Variants in POLR3B observed in about 807,000 individuals in gnomAD.
POLR3B encodes RNA polymerase III subunit B, also known as DNA-directed RNA polymerase III subunit RPC2.
In POLR3B, 96 loss-of-function variants were observed where a neutral mutation model predicts 147.4. The ratio of observed to expected loss-of-function variants is 0.65; its 90% confidence interval spans 0.55 to 0.77. The LOEUF (loss-of-function observed/expected upper bound fraction) is 0.77. POLR3B is among the 30% of genes least tolerant of loss of function. The pLI, the probability that POLR3B is intolerant of heterozygous loss-of-function variation, is 0.00. For missense variants in POLR3B, 1,036 were observed against 1,413.5 expected, an observed-to-expected ratio of 0.73 and a Z score of 4.28; for synonymous variants, 461 against 485.9, an observed-to-expected ratio of 0.95 and a Z score of 0.67.
rs1411301550 is a variant in POLR3B, at chr12:106,504,329, C to T, written c.3272+75C>T. 8.3e-7 allele frequency: 1 copy of T among 1,200,568 alleles called. No individual in the cohort carries two copies. Among genetic ancestry groups the T allele is most frequent in the African/African-American group, 1.5e-5 (1 of 66,984 alleles). The allele number at this position is 1,200,568 out of a possible 1,614,324, so 74.4% of individuals were successfully genotyped here. On this transcript the variant is annotated intron_variant, in intron 27 of 27. Transcript: ENST00000228347. The surrounding 1 kb of genome is among the most constrained non-coding windows in gnomAD (Gnocchi z 4.6). ...CACAGCTCAAGAATTGACCCTGGATCCTATCCGCATATTCTCCAGCCTCTG... is the reference window on the plus strand; with the variant it reads ...CACAGCTCAAGAATTGACCCTGGATTCTATCCGCATATTCTCCAGCCTCTG...
intron 19 of POLR3B, among the ~76,000 whole-genome samples, chr12:106,445,095 T>A (rs1051370164): frequency 6.6e-6 from 1 of 152,208 alleles, no homozygotes. Context: ...TCACACTGAT[T>A]TCTGAGTTTA....
intron 18 of POLR3B, among the ~76,000 whole-genome samples, chr12:106,439,867 G>A (rs1253688575): frequency 6.6e-6 from 1 of 151,804 alleles, no homozygotes; most frequent in East Asian, 1.9e-4. Context: ...GATCAACCTG[G>A]GCAACACAGT....
chr12:106,492,416 G>A (rs2038418255), intron 23 of POLR3B, among the ~76,000 whole-genome samples: 1 of 152,170 alleles, frequency 6.6e-6, no homozygotes. Context: ...TGGACGTGGT[G>A]GCACGCAGCT....
At chr12:106,478,042 A>G (rs1475735402) in intron 23 of POLR3B, among the ~76,000 whole-genome samples, 1 of 151,482 alleles carries the variant, frequency 6.6e-6, no homozygotes, top group African/African-American at 2.4e-5. Flanking sequence ...ATTAGCTGGG[A>G]CTACAGGTGT....
At position 106,498,080 on chromosome 12, in the gene POLR3B, T is replaced by C. The variant is rs112437357; in HGVS notation, c.2984+1162T>C. Among the ~76,000 whole-genome samples the C allele has an allele frequency of 4.1e-3, 618 of 152,252 alleles. 3 individuals carry two copies. Among genetic ancestry groups the C allele is most frequent in the Non-Finnish European group, 5.9e-3 (404 of 68,022 alleles). ...AGGAATGCAGACAAATAAATACAAG[T>C]ACATATAGCTCTCACCAAAATGAAG... is the stretch of plus-strand genomic sequence containing the variant. On this transcript the variant is annotated intron_variant, in intron 25 of 27. Transcript: ENST00000228347.
In POLR3B at chr12:106,497,674, G is replaced by T. The variant is rs145548555; in HGVS notation, c.2984+756G>T. ...TTGTGCATGTGTTCACTAAAGATGT[G>T]CTAAGCACCTACCTAATATGTGCTA... is the stretch of plus-strand genomic sequence containing the variant. On this transcript the variant is annotated intron_variant, in intron 25 of 27. Transcript: ENST00000228347. Among the ~76,000 whole-genome samples the T allele has an allele frequency of 7.3e-3, 1,108 of 152,290 alleles. 11 individuals carry two copies. The highest frequency in any genetic ancestry group is 0.025 in the African/African-American group (1,042 of 41,564).
chr12:106,509,408 C>T lies in POLR3B; in HGVS notation c.3273-12C>T, dbSNP rs769255240. 3 of 1,613,406 alleles carry T rather than the reference C, an allele frequency of 1.9e-6. No individual in the cohort carries two copies. The African/African-American group carries it at 4.0e-5, about 22-fold the overall frequency. ...TTGCTGTCTGTCTAACGCTTGCTGACTTGCGTTTCAGGTGCCATTACTGCA... is the reference window on the plus strand; with the variant it reads ...TTGCTGTCTGTCTAACGCTTGCTGATTTGCGTTTCAGGTGCCATTACTGCA... On this transcript the variant is annotated splice_polypyrimidine_tract_variant and intron_variant, in intron 27 of 27. Coordinates refer to ENST00000228347, the MANE Select transcript of POLR3B (RefSeq NM_018082.6).
intron 1 of POLR3B, among the ~76,000 whole-genome samples, chr12:106,359,580 C>T (rs956293409): frequency 6.6e-5 from 10 of 152,070 alleles, no homozygotes; most frequent in African/African-American, 1.9e-4. Flanking sequence ...TCCACCGCCT[C>T]GGCCTCCCAA....
At chr12:106,488,503 A>G (rs923828744) in intron 23 of POLR3B, among the ~76,000 whole-genome samples, 1 of 152,204 alleles carries the variant, frequency 6.6e-6, no homozygotes, top group Non-Finnish European at 1.5e-5. Flanking sequence ...CTCATTTCCC[A>G]AGTGGTCTAG....
At chr12:106,419,794 CT>C (rs56756383) in intron 12 of POLR3B, among the ~76,000 whole-genome samples, 2 of 88,956 alleles carry the variant, frequency 2.2e-5, no homozygotes, top group Admixed American at 1.7e-4. Context: ...TTTAGTTTTG[CT>C]TTTTTTTTTT....
intron 20 of POLR3B, among the ~76,000 whole-genome samples, chr12:106,456,194 A>G (rs2037861207): frequency 6.6e-6 from 1 of 152,198 alleles, no homozygotes; most frequent in Non-Finnish European, 1.5e-5. Context: ...TCAGGAAATT[A>G]TAGTGTTGAA....
In POLR3B at chr12:106,458,664, G is replaced by A. The variant is rs540337189; in HGVS notation, c.2453-587G>A. On this transcript the variant is annotated intron_variant, in intron 21 of 27. Coordinates refer to ENST00000228347, the MANE Select transcript of POLR3B (RefSeq NM_018082.6). ...GTGGTTCCAAAGAGACACAGAGTACGCGACTTCTCCTCCCTCCCTCTGCCT... is the reference window on the plus strand; with the variant it reads ...GTGGTTCCAAAGAGACACAGAGTACACGACTTCTCCTCCCTCCCTCTGCCT... 3.2e-4 allele frequency among the ~76,000 whole-genome samples: 48 copies of A among 152,176 alleles called. No homozygotes were observed. In the South Asian group the frequency reaches 9.6e-3, roughly 30 times the overall value.
chr12:106,469,480 G>C (rs559786989), intron 23 of POLR3B, among the ~76,000 whole-genome samples: 1 of 152,084 alleles, frequency 6.6e-6, no homozygotes, highest in Non-Finnish European at 1.5e-5. Flanking sequence ...GTGTGAATTT[G>C]ATCCTGTCAT....
At chr12:106,500,351 G>C (rs2038578954) in intron 25 of POLR3B, among the ~76,000 whole-genome samples, 1 of 152,228 alleles carries the variant, frequency 6.6e-6, no homozygotes, top group African/African-American at 2.4e-5. Flanking sequence ...CATTGAAGCA[G>C]TTATGTAATA....
chr12:106,364,045 G>A, intron 2 of POLR3B, 143 bp downstream of exon 2: 1 of 674,360 alleles, frequency 1.5e-6, no homozygotes, highest in Non-Finnish European at 2.6e-6. Context: ...GAATTATAAG[G>A]TAAAATCCCT....
chr12:106,404,720 T>G (rs2136930542), intron 10 of POLR3B, among the ~76,000 whole-genome samples: 1 of 152,270 alleles, frequency 6.6e-6, no homozygotes, highest in East Asian at 1.9e-4. Context: ...GTTTTCTTAA[T>G]TCTTTTAATT....
chr12:106,395,089 A>T (rs1333406023), intron 10 of POLR3B, among the ~76,000 whole-genome samples: 2 of 152,148 alleles, frequency 1.3e-5, no homozygotes, highest in Non-Finnish European at 2.9e-5. Context: ...TAAATTAGCC[A>T]GGCGTGGTGG....
intron 19 of POLR3B, among the ~76,000 whole-genome samples, chr12:106,452,945 C>G (rs772825509): frequency 6.6e-6 from 1 of 151,958 alleles, no homozygotes; most frequent in Non-Finnish European, 1.5e-5. Flanking sequence ...TAGGTATTCC[C>G]TACATATGTA....
At chr12:106,462,819 C>A (rs2037958155) in intron 22 of POLR3B, among the ~76,000 whole-genome samples, 1 of 152,180 alleles carries the variant, frequency 6.6e-6, no homozygotes, top group Non-Finnish European at 1.5e-5. Context: ...TTGAGGTTTA[C>A]CTCTTCTGTG....
Sources: allele counts gnomAD v4.1 joint callset (sites outside exome capture counted in the v4.1 genomes callset), GRCh38; gene constraint gnomAD v4.1.1; non-coding constraint Gnocchi (gnomAD v3.1); transcripts MANE v1.5; gene names NCBI Gene and HGNC (gene_info 2026-07-23, HGNC 2026-07-21).